Variants in DLGAP2 observed in about 807,000 individuals in gnomAD.
DLGAP2 encodes disks large-associated protein 2.
DLGAP2 carries 26 observed loss-of-function variants against 100.3 expected under a neutral mutation model. That is an observed-to-expected ratio of 0.26 (90% confidence interval 0.19 to 0.36). DLGAP2 has a LOEUF of 0.36. Among genes scored for constraint, DLGAP2 ranks in the 10% least tolerant of loss-of-function variants. DLGAP2 has a pLI of 1.00. For synonymous variants in DLGAP2, 886 were observed against 630.1 expected (o/e 1.41, Z -6.08); for missense variants, 1,858 against 1,453.2 (o/e 1.28, Z -4.53).
At chr8:1,174,589 T>TGTCGTCATCATC (rs1404543860) in intron 2 of DLGAP2, among the ~76,000 whole-genome samples, 2 of 151,538 alleles carry the variant, frequency 1.3e-5, no homozygotes, top group Non-Finnish European at 2.9e-5. Flanking sequence ...TTACCATCAT[T>TGTCGTCATCATC]GTCGTCATCA....
At chr8:1,182,436 T>C (rs545096861) in intron 2 of DLGAP2, among the ~76,000 whole-genome samples, 22 of 152,160 alleles carry the variant, frequency 1.4e-4, no homozygotes, top group Admixed American at 3.3e-4. Context: ...TGCTCACACG[T>C]GTGATGTCTG....
chr8:980,074 C>A (rs529586111), intron 2 of DLGAP2, among the ~76,000 whole-genome samples: 1 of 152,258 alleles, frequency 6.6e-6, no homozygotes, highest in African/African-American at 2.4e-5. Flanking sequence ...AACGATAGTG[C>A]CATTCGTGCA....
At chr8:898,259 C>G (rs1013393741) in intron 1 of DLGAP2, among the ~76,000 whole-genome samples, 2 of 152,092 alleles carry the variant, frequency 1.3e-5, no homozygotes, top group African/African-American at 4.8e-5. Context: ...CCCACTGTGG[C>G]CAGGGCTGTA....
At chr8:1,068,689 A>C (rs552779194) in intron 2 of DLGAP2, among the ~76,000 whole-genome samples, 1 of 152,060 alleles carries the variant, frequency 6.6e-6, no homozygotes, top group Non-Finnish European at 1.5e-5. Context: ...GGCTCAGCGC[A>C]TGTGGGACAG....
At chr8:1,017,647 A>T (rs75665035) in intron 2 of DLGAP2, among the ~76,000 whole-genome samples, 3 of 138,012 alleles carry the variant, frequency 2.2e-5, no homozygotes, top group Admixed American at 2.1e-4. Flanking sequence ...GACAGATGAC[A>T]CCTCCACTGT....
intron 4 of DLGAP2, among the ~76,000 whole-genome samples, chr8:1,532,715 T>A (rs1801025177): frequency 6.6e-6 from 1 of 152,224 alleles, no homozygotes; most frequent in Non-Finnish European, 1.5e-5. Context: ...AGTTACTTTT[T>A]AAAATAGGTA....
chr8:904,428 A>T (rs1000811575), intron 1 of DLGAP2, among the ~76,000 whole-genome samples: 1 of 152,110 alleles, frequency 6.6e-6, no homozygotes, highest in African/African-American at 2.4e-5. Context: ...GCTGAGGCAG[A>T]AGAATCACTT....
At chr8:1,096,732 G>C (rs185154646) in intron 2 of DLGAP2, among the ~76,000 whole-genome samples, 1 of 139,206 alleles carries the variant, frequency 7.2e-6, no homozygotes, top group Admixed American at 7.0e-5. Flanking sequence ...AGCTCCCTGC[G>C]CTCAGTACAG....
intron 3 of DLGAP2, among the ~76,000 whole-genome samples, chr8:1,289,793 TGAG>T (rs1800019555): frequency 6.6e-6 from 1 of 152,196 alleles, no homozygotes; most frequent in South Asian, 2.1e-4. Flanking sequence ...GGACCACAGA[TGAG>T]GAGGAGGAGA....
intron 2 of DLGAP2, among the ~76,000 whole-genome samples, chr8:1,101,101 A>G (rs958828252): frequency 1.3e-5 from 2 of 152,218 alleles, no homozygotes; most frequent in Admixed American, 6.5e-5. Context: ...CCTGAACGGC[A>G]TCTTCACTCT....
intron 3 of DLGAP2, among the ~76,000 whole-genome samples, chr8:1,347,143 G>C (rs1329003324): frequency 1.3e-5 from 2 of 151,974 alleles, no homozygotes; most frequent in Admixed American, 1.3e-4. Flanking sequence ...TCTCATGGCG[G>C]CTGTGTGGAG....
chr8:776,254 A>G (rs1056458323), intron 1 of DLGAP2, among the ~76,000 whole-genome samples: 1 of 151,680 alleles, frequency 6.6e-6, no homozygotes, highest in African/African-American at 2.4e-5. Flanking sequence ...TTTCTTTATT[A>G]GTCTTGCTAG....
In DLGAP2 at chr8:1,704,310, A is replaced by G. The variant is rs1364650641; in HGVS notation, c.*2904A>G. Reference sequence around the variant, plus strand: ...AGTGTGATGTTCACTATAACCCCATACCTACATTCCCTAATGATACAGCCA... The same window carrying G: ...AGTGTGATGTTCACTATAACCCCATGCCTACATTCCCTAATGATACAGCCA... On this transcript the variant is annotated 3_prime_UTR_variant, in exon 15 of 15. Transcript: ENST00000637795. The G allele has an allele frequency of 2.6e-5, 4 of 152,184 alleles. No individual in the cohort carries two copies. Among genetic ancestry groups the G allele is most frequent in the African/African-American group, 9.7e-5 (4 of 41,432 alleles). 9.4% of individuals were successfully genotyped at this position (152,184 alleles called of 1,614,324 possible).
chr8:1,479,082 G>A (rs780947736), intron 3 of DLGAP2, among the ~76,000 whole-genome samples: 1 of 152,258 alleles, frequency 6.6e-6, no homozygotes, highest in East Asian at 1.9e-4. Context: ...GAGCACAAAG[G>A]CCTCTGAGGG....
Position 1,255,628 on chromosome 8 carries a change from G to T in DLGAP2, c.74-3223G>T, listed in dbSNP as rs554427335. Among the ~76,000 whole-genome samples, 3 of 142,108 alleles carry T rather than the reference G, an allele frequency of 2.1e-5. No individual in the cohort carries two copies. In the East Asian group the frequency reaches 6.8e-4, roughly 32 times the overall value. The allele number at this position is 142,108 out of a possible 152,430, so 93.2% of individuals were successfully genotyped here. A position where few individuals can be genotyped will look rare whatever the true frequency, so the allele number is the denominator to read the frequency against. Reference sequence around the variant, plus strand: ...GTCCTCTCTTGCCTGGGTGCTGTGTGTGTGTGTCCTCATCCTGCCCGGGCG... The same window carrying T: ...GTCCTCTCTTGCCTGGGTGCTGTGTTTGTGTGTCCTCATCCTGCCCGGGCG... On this transcript the variant is annotated intron_variant, in intron 2 of 14. Coordinates refer to ENST00000637795, the MANE Select transcript of DLGAP2 (RefSeq NM_001346810.2).
chr8:1,064,486 C>G (rs925310123), intron 2 of DLGAP2, among the ~76,000 whole-genome samples: 1 of 152,202 alleles, frequency 6.6e-6, no homozygotes, highest in Non-Finnish European at 1.5e-5. Flanking sequence ...TTAATAACTT[C>G]AAACCAGCAT....
At chr8:1,567,102 G>T (rs893996119) in intron 6 of DLGAP2, among the ~76,000 whole-genome samples, 1 of 152,196 alleles carries the variant, frequency 6.6e-6, no homozygotes, top group African/African-American at 2.4e-5. Flanking sequence ...GGGAGCAGGT[G>T]TTTGTAAGCC....
intron 2 of DLGAP2, among the ~76,000 whole-genome samples, chr8:1,175,486 C>G (rs974645141): frequency 4.6e-5 from 7 of 152,302 alleles, no homozygotes; most frequent in Middle Eastern, 3.4e-3. Flanking sequence ...AATATATGTA[C>G]TTGGGCTAAT....
At chr8:833,652 G>A (rs1481085072) in intron 1 of DLGAP2, among the ~76,000 whole-genome samples, 3 of 152,208 alleles carry the variant, frequency 2.0e-5, no homozygotes, top group Non-Finnish European at 4.4e-5. Flanking sequence ...CCTTTGCAAA[G>A]TCCCTCTGCC....
Sources: allele counts gnomAD v4.1 joint callset (sites outside exome capture counted in the v4.1 genomes callset), GRCh38; gene constraint gnomAD v4.1.1; transcripts MANE v1.5; gene names NCBI Gene and HGNC (gene_info 2026-07-23, HGNC 2026-07-21).